Variants in XKR9 observed in about 807,000 individuals in gnomAD.
The protein encoded by XKR9 is XK related 9.
A neutral mutation model predicts 32.0 loss-of-function variants in XKR9; 32 were observed. That is an observed-to-expected ratio of 1.00 (90% CI 0.76 to 1.34). The LOEUF is 1.34. Among genes scored for constraint, XKR9 ranks in the 40% most tolerant of loss-of-function variants. The pLI, the probability that XKR9 is intolerant of heterozygous loss-of-function variation, is 0.00. For synonymous variants in XKR9, 168 were observed against 143.4 expected, an observed-to-expected ratio of 1.17 and a Z score of -1.22; for missense variants, 546 against 429.7, an observed-to-expected ratio of 1.27 and a Z score of -2.39.
chr8:70,934,048 GA>G, the XKR9 span, among the ~76,000 whole-genome samples: 7 of 151,848 alleles, frequency 4.6e-5, no homozygotes, highest in Non-Finnish European at 1.0e-4. Flanking sequence ...AAAAAGAGAA[GA>G]AAAAAATTGA....
the XKR9 span, among the ~76,000 whole-genome samples, chr8:70,854,054 T>G: frequency 4.0e-5 from 6 of 151,466 alleles, no homozygotes; most frequent in Non-Finnish European, 8.9e-5. Flanking sequence ...GTAATGGGAT[T>G]GCTGGGTCAA....
chr8:70,876,993 T>C, the XKR9 span, among the ~76,000 whole-genome samples: 2 of 152,168 alleles, frequency 1.3e-5, no homozygotes, highest in Non-Finnish European at 2.9e-5. Context: ...TCTGTTCTCA[T>C]ACTGCCAGGA....
At chr8:70,733,124 T>G (rs1806728078) in intron 4 of XKR9, among the ~76,000 whole-genome samples, 1 of 152,082 alleles carries the variant, frequency 6.6e-6, no homozygotes. Flanking sequence ...AGGAAAGAAA[T>G]AAAGAGAGTG....
chr8:70,975,483 A>T, the XKR9 span, among the ~76,000 whole-genome samples: 1 of 152,216 alleles, frequency 6.6e-6, no homozygotes, highest in African/African-American at 2.4e-5. Context: ...TCCCAGCACC[A>T]TTTATTAAAT....
chr8:70,874,973 A>G, the XKR9 span, among the ~76,000 whole-genome samples: 1 of 152,188 alleles, frequency 6.6e-6, no homozygotes, highest in African/African-American at 2.4e-5. Flanking sequence ...TCGTCCTTGG[A>G]ACTAGTTTAG....
the XKR9 span, among the ~76,000 whole-genome samples, chr8:71,034,795 C>A: frequency 6.6e-6 from 1 of 152,098 alleles, no homozygotes; most frequent in Non-Finnish European, 1.5e-5. Flanking sequence ...ATTCCTCACC[C>A]AAGGAATCTA....
At chr8:70,687,054 T>C (rs1819305615) in intron 3 of XKR9, among the ~76,000 whole-genome samples, 2 of 151,274 alleles carry the variant, frequency 1.3e-5, no homozygotes, top group African/African-American at 4.8e-5. Flanking sequence ...CTAGAGCCTA[T>C]TCATTCTAAC....
At chr8:70,826,084 G>A in the XKR9 span, among the ~76,000 whole-genome samples, 2 of 152,066 alleles carry the variant, frequency 1.3e-5, no homozygotes, top group African/African-American at 4.8e-5. Context: ...GTTGATAAAA[G>A]TGAGGTTTTT....
chr8:70,789,701 T>G, intron 3 of XKR9, among the ~76,000 whole-genome samples: 1 of 151,158 alleles, frequency 6.6e-6, no homozygotes. Flanking sequence ...ATCTTAATTT[T>G]TCATGACCTA....
the XKR9 span, among the ~76,000 whole-genome samples, chr8:70,887,074 T>C: frequency 6.6e-6 from 1 of 152,234 alleles, no homozygotes; most frequent in Non-Finnish European, 1.5e-5. Flanking sequence ...TTTAAGTCTT[T>C]AGTCCATCTT....
intron 2 of XKR9, among the ~76,000 whole-genome samples, chr8:70,761,734 A>G (rs912581397): frequency 9.9e-5 from 15 of 151,780 alleles, no homozygotes; most frequent in African/African-American, 3.4e-4. Flanking sequence ...TTTTGTTGCA[A>G]TTACTTTTGG....
the XKR9 span, among the ~76,000 whole-genome samples, chr8:71,064,980 A>G: frequency 6.6e-6 from 1 of 152,202 alleles, no homozygotes; most frequent in African/African-American, 2.4e-5. Context: ...CTCAGTAGCT[A>G]TATGACCTTG....
intron 4 of XKR9, among the ~76,000 whole-genome samples, chr8:70,716,788 A>C (rs532199347): frequency 1.3e-4 from 20 of 152,294 alleles, no homozygotes; most frequent in African/African-American, 4.6e-4. Context: ...TCAAAATGTT[A>C]GCTCATCCCA....
At chr8:71,035,258 T>G in the XKR9 span, among the ~76,000 whole-genome samples, 1 of 152,196 alleles carries the variant, frequency 6.6e-6, no homozygotes, top group Non-Finnish European at 1.5e-5. Flanking sequence ...AGGAGTGATT[T>G]ATAAACAAGA....
chr8:70,719,217 T>A (rs1050714219), intron 4 of XKR9, among the ~76,000 whole-genome samples: 1 of 152,188 alleles, frequency 6.6e-6, no homozygotes, highest in Non-Finnish European at 1.5e-5. Flanking sequence ...CTTTGTCAGA[T>A]GGATAGACTG....
the XKR9 span, among the ~76,000 whole-genome samples, chr8:70,931,277 C>A: frequency 6.6e-6 from 1 of 152,138 alleles, no homozygotes; most frequent in Non-Finnish European, 1.5e-5. Flanking sequence ...GGTATGGAAT[C>A]ATAATCAGAA....
chr8:70,773,803 T>C (rs1005288633), intron 2 of XKR9, among the ~76,000 whole-genome samples: 1 of 152,202 alleles, frequency 6.6e-6, no homozygotes, highest in African/African-American at 2.4e-5. Flanking sequence ...AACTTGTTCT[T>C]AAGCCAGTTG....
chr8:70,746,134 T>A (rs532652777), intron 2 of XKR9, among the ~76,000 whole-genome samples: 14 of 151,650 alleles, frequency 9.2e-5, no homozygotes, highest in Non-Finnish European at 1.2e-4. Context: ...AGTACTTTTT[T>A]AAAATGTTAA....
chr8:70,968,257 A>G, the XKR9 span, among the ~76,000 whole-genome samples: 15 of 151,748 alleles, frequency 9.9e-5, no homozygotes, highest in Non-Finnish European at 2.1e-4. Flanking sequence ...TGCATTGTGA[A>G]CCTCTCGTGT....
Sources: gnomAD v4.1 joint callset for allele counts (sites outside exome capture counted in the v4.1 genomes callset) on GRCh38, gnomAD v4.1.1 for gene constraint, MANE v1.5 for transcripts, NCBI Gene and HGNC (gene_info 2026-07-23, HGNC 2026-07-21) for gene names.